GAD2: variants seen among roughly 807,000 people sequenced by gnomAD.
The protein encoded by GAD2 is glutamate decarboxylase 2.
Under a neutral mutation model 80.1 loss-of-function variants are expected in GAD2, and 22 were observed. The observed-to-expected ratio is 0.27, with a 90% CI of 0.20 to 0.39. GAD2 has a LOEUF of 0.39. GAD2 is among the 10% of genes least tolerant of loss of function. The pLI is 1.00. For missense variants in GAD2, 624 were observed against 738.4 expected (o/e 0.85, Z 1.80); for synonymous variants, 274 against 256.9 (o/e 1.07, Z -0.64).
At position 26,229,761 on chromosome 10, in the gene GAD2, C is replaced by T. The variant is rs1844575578; in HGVS notation, c.824C>T (p.Ala275Val). 1.2e-6 allele frequency: 2 copies of T among 1,612,182 alleles called. No individual in the cohort carries two copies. Among genetic ancestry groups the T allele is most frequent in the Non-Finnish European group, 1.7e-6 (2 of 1,178,402 alleles). Residue 275 changes from alanine (A) to valine (V), a missense_variant, in exon 7 of 16, where the codon GCC becomes GTC. By Grantham distance (64) the Ala-to-Val change is moderately conservative. Transcript: ENST00000376261. ...KGMAALPRLI[A>V]FTSEHSHFSL... is the part of the protein sequence containing the mutation. ...ATGGCTGCTCTTCCCAGGCTCATTG[C>T]CTTCACGTCTGAACATGTATGTGTT... is the stretch of plus-strand genomic sequence containing the variant.
Position 26,291,254 on chromosome 10 carries a change from G to A in GAD2, c.1387-1211G>A, listed in dbSNP as rs988633582. Among the ~76,000 whole-genome samples, 32 of 152,162 alleles carry A rather than the reference G, an allele frequency of 2.1e-4. 1 individual carries two copies. Among genetic ancestry groups the A allele is most frequent in the African/African-American group, 7.7e-4 (32 of 41,432 alleles). The stretch of plus-strand genomic sequence containing the variant: ...CTTCTACCTACAGTCCATCCCAAGT[G>A]AACCCAAACTGTCAGGTCATTCCAA... On this transcript the variant is annotated intron_variant, in intron 13 of 15. Transcript: ENST00000376261.
chr10:26,240,731 C>CAA (rs35729928), intron 7 of GAD2, among the ~76,000 whole-genome samples: 19,753 of 122,924 alleles, frequency 0.16, 1,545 homozygotes, highest in East Asian at 0.34. Flanking sequence ...GACTCCATCA[C>CAA]AAAAAAAAAA....
intron 15 of GAD2, among the ~76,000 whole-genome samples, chr10:26,296,316 A>G (rs968059606): frequency 7.2e-5 from 11 of 152,238 alleles, no homozygotes; most frequent in African/African-American, 2.7e-4. Flanking sequence ...CAAATACCTT[A>G]GGCATATTCC....
rs139715833 is a variant in GAD2 at position 26,287,899 on chromosome 10, T to C, written c.1386+1405T>C. On this transcript the variant is annotated intron_variant, in intron 13 of 15. Transcript: ENST00000376261. The stretch of plus-strand genomic sequence containing the variant: ...AAATAGCCTACTTAAAGAGGTAACA[T>C]GCTCAGTCCCATAAGAAAAAGCAAA... 4.9e-3 allele frequency among the ~76,000 whole-genome samples: 749 copies of C among 152,266 alleles called. 5 individuals are homozygous for C. Among genetic ancestry groups the C allele is most frequent in the Middle Eastern group, 0.02 (6 of 294 alleles).
chr10:26,299,067 C>G (rs1834303426), intron 15 of GAD2, among the ~76,000 whole-genome samples: 1 of 152,146 alleles, frequency 6.6e-6, no homozygotes, highest in South Asian at 2.1e-4. Context: ...GTCAGAAGAT[C>G]TCAATGCTGG....
intron 8 of GAD2, among the ~76,000 whole-genome samples, 178 bp downstream of exon 8, chr10:26,246,178 C>T (rs1465551259): frequency 6.6e-6 from 1 of 152,180 alleles, no homozygotes; most frequent in Non-Finnish European, 1.5e-5. Flanking sequence ...GATGTGGTTC[C>T]TTGATGCCAT....
chr10:26,299,142 A>G (rs1484285741), intron 15 of GAD2, among the ~76,000 whole-genome samples: 3 of 152,202 alleles, frequency 2.0e-5, no homozygotes, highest in Admixed American at 2.0e-4. Flanking sequence ...GGTGAAGTCT[A>G]CCTGTTGACC....
chr10:26,237,961 C>T (rs931930015), intron 7 of GAD2, among the ~76,000 whole-genome samples: 3 of 150,730 alleles, frequency 2.0e-5, no homozygotes, highest in African/African-American at 4.9e-5. Context: ...GAGCTGAGAT[C>T]GCACCACTGC....
chr10:26,275,858 C>G (rs1845194744), intron 11 of GAD2, among the ~76,000 whole-genome samples: 1 of 152,196 alleles, frequency 6.6e-6, no homozygotes, highest in African/African-American at 2.4e-5. Context: ...GAATGCCATT[C>G]TCATACAAAA....
At chr10:26,240,833 G>A (rs1216966515) in intron 7 of GAD2, among the ~76,000 whole-genome samples, 2 of 151,804 alleles carry the variant, frequency 1.3e-5, no homozygotes, top group African/African-American at 2.4e-5. Flanking sequence ...TCAGGAGATC[G>A]AGACCATCCT....
intron 12 of GAD2, among the ~76,000 whole-genome samples, chr10:26,282,746 G>A (rs1371782927): frequency 2.0e-5 from 3 of 152,184 alleles, no homozygotes; most frequent in Non-Finnish European, 4.4e-5. Flanking sequence ...GTCAAAGAGT[G>A]TTATTACTTC....
intron 8 of GAD2, among the ~76,000 whole-genome samples, 185 bp downstream of exon 8, chr10:26,246,185 C>T (rs1401542958): frequency 6.6e-6 from 1 of 152,190 alleles, no homozygotes; most frequent in Non-Finnish European, 1.5e-5. Context: ...TTCCTTGATG[C>T]CATGGAGCCT....
chr10:26,260,298 C>T (rs779381496), intron 8 of GAD2, among the ~76,000 whole-genome samples: 62 of 151,920 alleles, frequency 4.1e-4, no homozygotes, highest in Non-Finnish European at 6.9e-4. Flanking sequence ...AACATTATTG[C>T]GGGTAAATAT....
intron 4 of GAD2, among the ~76,000 whole-genome samples, chr10:26,222,378 C>A (rs1289828570): frequency 6.6e-6 from 1 of 151,812 alleles, no homozygotes; most frequent in African/African-American, 2.4e-5. Flanking sequence ...GAATTATAAT[C>A]CTTATTAATT....
chr10:26,294,869 T>G (rs1834256328), intron 15 of GAD2, among the ~76,000 whole-genome samples: 1 of 152,216 alleles, frequency 6.6e-6, no homozygotes, highest in African/African-American at 2.4e-5. Context: ...CCTGGAATTT[T>G]TATGGTATAC....
At chr10:26,281,156 C>T (rs1289056469) in intron 12 of GAD2, 69 bp downstream of exon 12, 1 of 1,147,962 alleles carries the variant, frequency 8.7e-7, no homozygotes, top group African/African-American at 1.5e-5. Flanking sequence ...GGTTGACTTT[C>T]TCTGGAAATG....
chr10:26,275,640 C>A (rs1312728547), intron 11 of GAD2, among the ~76,000 whole-genome samples: 1 of 152,236 alleles, frequency 6.6e-6, no homozygotes, highest in African/African-American at 2.4e-5. Context: ...AAAAGGCATA[C>A]TTTCTAAGTG....
chr10:26,259,658 C>T (rs1844986366), intron 8 of GAD2, among the ~76,000 whole-genome samples: 1 of 152,056 alleles, frequency 6.6e-6, no homozygotes, highest in Non-Finnish European at 1.5e-5. Context: ...CTGTGAGTTT[C>T]CTTCTTACTC....
intron 15 of GAD2, among the ~76,000 whole-genome samples, chr10:26,294,978 G>T (rs1464560329): frequency 6.6e-6 from 1 of 152,114 alleles, no homozygotes; most frequent in Non-Finnish European, 1.5e-5. Flanking sequence ...GAACTGACTG[G>T]CCAGAAAGAG....
Sources: gnomAD v4.1 joint callset for allele counts (sites outside exome capture counted in the v4.1 genomes callset) on GRCh38, gnomAD v4.1.1 for gene constraint, MANE v1.5 for transcripts, NCBI Gene and HGNC (gene_info 2026-07-23, HGNC 2026-07-21) for gene names.